Variants in AUTS2 observed in about 807,000 individuals in gnomAD.
AUTS2 encodes activator of transcription and developmental regulator AUTS2.
In AUTS2, 17 loss-of-function variants were observed where a neutral mutation model predicts 112.4. The observed-to-expected ratio is 0.15, with a 90% CI of 0.10 to 0.23. The LOEUF is 0.23. Ranked by LOEUF, AUTS2 falls within the 10% of genes least tolerant of loss-of-function variation. AUTS2 has a pLI of 1.00. For synonymous variants in AUTS2, 751 were observed against 702.7 expected (o/e 1.07, Z -1.09); for missense variants, 1,510 against 1,701.6 (o/e 0.89, Z 1.98).
chr7:70,448,233 C>T (rs958224691), intron 5 of AUTS2, among the ~76,000 whole-genome samples: 8 of 152,142 alleles, frequency 5.3e-5, no homozygotes, highest in Non-Finnish European at 1.0e-4. Context: ...AATGTTACCC[C>T]TCCTGGACAG....
chr7:70,189,159 C>T (rs1446290831), intron 4 of AUTS2, among the ~76,000 whole-genome samples: 1 of 152,060 alleles, frequency 6.6e-6, no homozygotes, highest in Non-Finnish European at 1.5e-5. Context: ...GAGAGTGTGC[C>T]TGTAAATGAC....
chr7:70,665,072 CAAAAG>C, intron 5 of AUTS2, among the ~76,000 whole-genome samples: 2 of 151,842 alleles, frequency 1.3e-5, no homozygotes, highest in Middle Eastern at 6.8e-3. Context: ...GACCCTGTCT[CAAAAG>C]AAAGAGAAAA....
At chr7:70,081,045 G>T (rs879505897) in intron 2 of AUTS2, among the ~76,000 whole-genome samples, 2 of 152,148 alleles carry the variant, frequency 1.3e-5, no homozygotes, top group Non-Finnish European at 2.9e-5. Context: ...AGCAGCTAAT[G>T]CGTGAGGATT....
At chr7:70,059,827 G>C (rs977630830) in intron 2 of AUTS2, among the ~76,000 whole-genome samples, 3 of 152,184 alleles carry the variant, frequency 2.0e-5, no homozygotes, top group Non-Finnish European at 2.9e-5. Context: ...GAAGTGATAA[G>C]TAATGTCACT....
Position 69,799,121 on chromosome 7 carries a change from A to G in AUTS2, c.310-100165A>G, listed in dbSNP as rs1004952750. Reference sequence around the variant, plus strand: ...GTGGATCAGTTTATGCCTTCCCTGGATCCAGGGTGAACTTGTTTTGAGGAC... The same window carrying G: ...GTGGATCAGTTTATGCCTTCCCTGGGTCCAGGGTGAACTTGTTTTGAGGAC... On this transcript the variant is annotated intron_variant, in intron 1 of 18. Coordinates refer to ENST00000342771, the MANE Select transcript of AUTS2 (RefSeq NM_015570.4). 5.3e-5 allele frequency among the ~76,000 whole-genome samples: 8 copies of G among 151,814 alleles called. 1 individual carries two copies. Among genetic ancestry groups the G allele is most frequent in the African/African-American group, 1.9e-4 (8 of 41,378 alleles).
At chr7:70,760,930 C>G (rs58739898) in intron 6 of AUTS2, among the ~76,000 whole-genome samples, 2,447 of 152,282 alleles carry the variant, frequency 0.016, 78 homozygotes, top group African/African-American at 0.056. Context: ...TCCCATCTCG[C>G]TGGTGTTATT....
chr7:69,884,625 C>A (rs974723962), intron 1 of AUTS2, among the ~76,000 whole-genome samples: 1 of 152,168 alleles, frequency 6.6e-6, no homozygotes, highest in Admixed American at 6.5e-5. Flanking sequence ...CCAATAAGTA[C>A]CTAAACATCA....
chr7:70,018,795 G>T (rs1372597228), intron 2 of AUTS2, among the ~76,000 whole-genome samples: 1 of 152,110 alleles, frequency 6.6e-6, no homozygotes, highest in Non-Finnish European at 1.5e-5. Flanking sequence ...AAAAAGGAAT[G>T]CTTATACAAT....
intron 4 of AUTS2, among the ~76,000 whole-genome samples, chr7:70,146,421 C>T (rs6960452): frequency 0.016 from 2,446 of 152,000 alleles, 21 homozygotes; most frequent in African/African-American, 0.027. Context: ...CTCTCCTGTA[C>T]GTTTGTGTTT....
chr7:69,863,449 C>T (rs1025712016), intron 1 of AUTS2, among the ~76,000 whole-genome samples: 13 of 152,006 alleles, frequency 8.6e-5, no homozygotes, highest in African/African-American at 2.2e-4. Context: ...ACAGATACAG[C>T]GGGACAACTG....
At chr7:70,484,476 G>T (rs558931401) in intron 5 of AUTS2, among the ~76,000 whole-genome samples, 1 of 152,304 alleles carries the variant, frequency 6.6e-6, no homozygotes, top group Non-Finnish European at 1.5e-5. Context: ...GGTGGTTGGG[G>T]TTAGCCCCTG....
At chr7:69,931,672 C>G (rs1796233439) in intron 2 of AUTS2, among the ~76,000 whole-genome samples, 1 of 152,122 alleles carries the variant, frequency 6.6e-6, no homozygotes, top group African/African-American at 2.4e-5. Context: ...GGCAGTCTTA[C>G]TTTTTGAAAC....
intron 10 of AUTS2, among the ~76,000 whole-genome samples, chr7:70,770,597 T>C (rs1008030938): frequency 6.6e-6 from 1 of 152,250 alleles, no homozygotes; most frequent in Non-Finnish European, 1.5e-5. Context: ...CTCTGTATTT[T>C]TTTCCTCAAT....
intron 1 of AUTS2, among the ~76,000 whole-genome samples, chr7:69,631,185 T>G (rs1794220615): frequency 1.3e-5 from 2 of 152,276 alleles, no homozygotes; most frequent in African/African-American, 4.8e-5. Flanking sequence ...CTTTTTTTTT[T>G]TTGTTTTAAG....
intron 4 of AUTS2, among the ~76,000 whole-genome samples, chr7:70,288,252 A>C (rs1788554545): frequency 6.6e-6 from 1 of 152,172 alleles, no homozygotes; most frequent in African/African-American, 2.4e-5. Flanking sequence ...TACAAAAAAA[A>C]TTAGCCAGGC....
chr7:69,606,031 TTAAC>T (rs1242997172), intron 1 of AUTS2, among the ~76,000 whole-genome samples: 1 of 152,244 alleles, frequency 6.6e-6, no homozygotes, highest in Non-Finnish European at 1.5e-5. Flanking sequence ...ATTGTGGAGA[TTAAC>T]TACTTGCACC....
At chr7:69,669,502 G>T (rs1038110667) in intron 1 of AUTS2, among the ~76,000 whole-genome samples, 2 of 151,932 alleles carry the variant, frequency 1.3e-5, no homozygotes, top group Non-Finnish European at 2.9e-5. Context: ...CATATTATTT[G>T]CCCAATCCTG....
intron 2 of AUTS2, among the ~76,000 whole-genome samples, chr7:70,082,630 A>G (rs35317642): frequency 0.26 from 39,512 of 152,104 alleles, 5,109 homozygotes; most frequent in Middle Eastern, 0.33. Context: ...TTAGTCTTGT[A>G]TTTCTTGAAC....
At chr7:69,981,037 G>A (rs1336721688) in intron 2 of AUTS2, among the ~76,000 whole-genome samples, 1 of 152,086 alleles carries the variant, frequency 6.6e-6, no homozygotes, top group Non-Finnish European at 1.5e-5. Flanking sequence ...TAGTCAGTTT[G>A]TATTTAATTC....
Sources: gnomAD v4.1 joint callset for allele counts (sites outside exome capture counted in the v4.1 genomes callset) on GRCh38, gnomAD v4.1.1 for gene constraint, MANE v1.5 for transcripts, NCBI Gene and HGNC (gene_info 2026-07-23, HGNC 2026-07-21) for gene names.